Variants in ZNF552 observed in about 807,000 individuals in gnomAD.
ZNF552 encodes the protein zinc finger protein 552.
ZNF552 carries 2 observed loss-of-function variants against 7.2 expected under a neutral mutation model. The observed-to-expected ratio is 0.28, with a 90% CI of 0.11 to 0.88. The LOEUF (loss-of-function observed/expected upper bound fraction) is 0.88, where lower values mean the gene tolerates loss of function less well. ZNF552 is among the 40% of genes least tolerant of loss of function. The probability of loss-of-function intolerance (pLI) is 0.60; values close to 1 mark genes in which losing one functional copy is unlikely to be tolerated. For missense variants in ZNF552, 421 were observed against 493.4 expected, an observed-to-expected ratio of 0.85 and a Z score of 1.39; for synonymous variants, 173 against 176.5, an observed-to-expected ratio of 0.98 and a Z score of 0.16.
Position 57,808,212 on chromosome 19 carries a change from G to C in ZNF552, c.1052C>G (p.Pro351Arg). The C allele has an allele frequency of 6.2e-7, 1 of 1,614,044 alleles. No homozygotes were observed. The highest frequency in any genetic ancestry group is 2.2e-5 in the East Asian group (1 of 44,898). ...TTTCCCACATTCACTGCACTCATAAGGCTTCTGACCAGTGTGAACTCTCTT... is the reference window on the plus strand; with the variant it reads ...TTTCCCACATTCACTGCACTCATAACGCTTCTGACCAGTGTGAACTCTCTT... ...VHKRVHTGQK[P>R]YECSECGKSF... The change falls in exon 3 of 3, where the codon CCT (proline) becomes CGT (arginine). Residue 351 changes from proline (P) to arginine (R), a missense_variant. Pro to Arg is a moderately radical substitution (Grantham distance 103, BLOSUM62 -2). Coordinates refer to ENST00000391701, the MANE Select transcript of ZNF552 (RefSeq NM_024762.3).
intron 2 of ZNF552, among the ~76,000 whole-genome samples, chr19:57,811,538 C>T (rs1177608790): frequency 6.6e-6 from 1 of 151,876 alleles, no homozygotes; most frequent in African/African-American, 2.4e-5. Flanking sequence ...CGAGAAACAC[C>T]CACAGGTGTG....
chr19:57,811,026 C>T (rs1001970313), intron 2 of ZNF552, among the ~76,000 whole-genome samples: 2 of 152,192 alleles, frequency 1.3e-5, no homozygotes, highest in Non-Finnish European at 2.9e-5. Context: ...AACCTCTCCC[C>T]ACTATTACCC....
Position 57,808,392 on chromosome 19 carries a change from G to C in ZNF552, c.872C>G (p.Thr291Ser). The C allele has an allele frequency of 6.2e-7, 1 of 1,613,594 alleles. No individual in the cohort carries two copies. The highest frequency in any genetic ancestry group is 1.1e-5 in the South Asian group (1 of 91,014). Residue 291 changes from threonine to serine, a missense_variant, in exon 3 of 3, where the codon ACT (threonine) becomes AGT (serine). Physicochemically the swap from Thr to Ser is moderately conservative, Grantham distance 58 (BLOSUM62 1). Transcript: ENST00000391701. Reference sequence around the variant, plus strand: ...CTCACACTCATATGGCTTCTCTCCAGTGTGAATTCTCTGGTGTACAAGGAG... The same window carrying C: ...CTCACACTCATATGGCTTCTCTCCACTGTGAATTCTCTGGTGTACAAGGAG... ...SHLLVHQRIH[T>S]GEKPYECEVC...
rs1306089211 is a variant in ZNF552, at chr19:57,807,867, G to A, written c.*173C>T. 2.2e-6 allele frequency: 2 copies of A among 930,018 alleles called. No individual in the cohort carries two copies. The highest frequency in any genetic ancestry group is 3.1e-6 in the Non-Finnish European group (2 of 643,464). 57.6% of individuals were successfully genotyped at this position (930,018 alleles called of 1,614,324 possible). A position where few individuals can be genotyped will look rare whatever the true frequency, so the allele number is the denominator to read the frequency against. ...TAATCCTGAAGGAATACAGAGGTGT[G>A]GCTACAAAACTGCCCAAATTTATTT... On this transcript the variant is annotated 3_prime_UTR_variant, in exon 3 of 3. Transcript: ENST00000391701.
At chr19:57,811,981 A>G (rs1987866605) in intron 2 of ZNF552, among the ~76,000 whole-genome samples, 1 of 145,802 alleles carries the variant, frequency 6.9e-6, no homozygotes, top group Non-Finnish European at 1.5e-5. Context: ...GTGAGCCAAG[A>G]TCGCACCACT....
chr19:57,814,215 G>C (rs995819871), intron 1 of ZNF552, among the ~76,000 whole-genome samples: 3 of 152,038 alleles, frequency 2.0e-5, no homozygotes, highest in Non-Finnish European at 4.4e-5. Context: ...GCGTGTCTCA[G>C]CACAAAGTGT....
At position 57,808,573 on chromosome 19, in the gene ZNF552, C is replaced by G. The variant is rs1377769969; in HGVS notation, c.691G>C (p.Glu231Gln). 4 of 1,614,192 alleles carry G rather than the reference C, an allele frequency of 2.5e-6. No homozygotes were observed. Among genetic ancestry groups the G allele is most frequent in the Non-Finnish European group, 3.4e-6 (4 of 1,180,026 alleles). Reference sequence around the variant, plus strand: ...GGTTCTTCTGTAGGGAGCAGTCTCTCGTGCTGACTGAGTATATCTTTGGTG... The same window carrying G: ...GGTTCTTCTGTAGGGAGCAGTCTCTGGTGCTGACTGAGTATATCTTTGGTG... The part of the protein sequence containing the change: ...FSTKDILSQH[E>Q]RLLPTEEPSV... Residue 231 changes from glutamate (E) to glutamine (Q), a missense_variant, in exon 3 of 3, where the codon GAG (glutamate) becomes CAG (glutamine). By Grantham distance (29) the Glu-to-Gln change is conservative (BLOSUM62 2). Transcript: ENST00000391701.
At chr19:57,810,210 C>G (rs1181496328) in intron 2 of ZNF552, among the ~76,000 whole-genome samples, 1 of 152,018 alleles carries the variant, frequency 6.6e-6, no homozygotes, top group African/African-American at 2.4e-5. Flanking sequence ...TGGGTCATGC[C>G]TGTAATCCCA....
intron 2 of ZNF552, 64 bp downstream of exon 2, chr19:57,813,230 A>G (rs368558112): frequency 3.1e-6 from 5 of 1,602,234 alleles, no homozygotes; most frequent in Non-Finnish European, 3.4e-6. Flanking sequence ...AGTCTTGCCA[A>G]TAGAAAAAGA....
chr19:57,814,666 T>A lies in ZNF552; in HGVS notation c.33+45A>T, dbSNP rs765294823. The A allele has an allele frequency of 4.3e-6, 7 of 1,613,970 alleles. No individual in the cohort carries two copies. The South Asian group carries it at 7.7e-5, about 18-fold the overall frequency. On this transcript the variant is annotated intron_variant, in intron 1 of 2. Coordinates refer to ENST00000391701, the MANE Select transcript of ZNF552 (RefSeq NM_024762.3). Reference sequence around the variant, plus strand: ...CGCTCCCTCGCTGCTTTAGGACTTGTGTGACTAGGAGGTGACCGGAGAGCA... The same window carrying A: ...CGCTCCCTCGCTGCTTTAGGACTTGAGTGACTAGGAGGTGACCGGAGAGCA...
In ZNF552 at chr19:57,809,174, A is replaced by T. The variant is rs770862244; in HGVS notation, c.161-71T>A. On this transcript the variant is annotated intron_variant, in intron 2 of 2. Coordinates refer to ENST00000391701, the MANE Select transcript of ZNF552 (RefSeq NM_024762.3). ...GAAGGCACAGACCACCCACAAGTGT[A>T]TCTGAAAAACTGAGGAATTACTCCA... 2.3e-5 allele frequency: 37 copies of T among 1,603,510 alleles called. 1 individual carries two copies. In the South Asian group the frequency reaches 4.1e-4, roughly 18 times the overall value.
chr19:57,807,986 G>A lies in ZNF552; in HGVS notation c.*54C>T. On this transcript the variant is annotated 3_prime_UTR_variant, in exon 3 of 3. Transcript: ENST00000391701. ...TTTTCCACATTTGCTGCAATCACAG[G>A]ATCTTACTCAGGTGTGTATTCTCCA... 3 of 1,520,048 alleles carry A rather than the reference G, an allele frequency of 2.0e-6. No individual in the cohort carries two copies. In the South Asian group the frequency reaches 4.0e-5, roughly 20 times the overall value. The allele number at this position is 1,520,048 out of a possible 1,614,324, so 94.2% of individuals were successfully genotyped here. A position where few individuals can be genotyped will look rare whatever the true frequency, so the allele number is the denominator to read the frequency against.
In ZNF552 at chr19:57,808,847, A is replaced by T. The variant is rs372934566; in HGVS notation, c.417T>A (p.Asn139Lys). ...YDSGNFHQHQNEHIGEKPYRG... is the reference protein window; with the variant it reads ...YDSGNFHQHQKEHIGEKPYRG... ...TGTAGGGTTTCTCTCCAATGTGCTC[A>T]TTCTGGTGCTGATGAAAGTTTCCAC... Residue 139 changes from asparagine (N) to lysine (K), a missense_variant, in exon 3 of 3, where the codon AAT (asparagine) becomes AAA (lysine). Physicochemically the swap from Asn to Lys is moderately conservative, Grantham distance 94. Transcript: ENST00000391701. 24 of 1,613,770 alleles carry T rather than the reference A, an allele frequency of 1.5e-5. No homozygotes were observed. Among genetic ancestry groups the T allele is most frequent in the Admixed American group, 1.0e-4 (6 of 59,956 alleles).
At chr19:57,811,210 T>TCGC (rs1987849751) in intron 2 of ZNF552, among the ~76,000 whole-genome samples, 1 of 152,064 alleles carries the variant, frequency 6.6e-6, no homozygotes, top group Non-Finnish European at 1.5e-5. Context: ...TCTCGCTCTG[T>TCGC]TGCTCAGGCT....
chr19:57,809,180 A>G (rs193102938), intron 2 of ZNF552, 77 bp from the exon 3 acceptor site: 376 of 1,605,424 alleles, frequency 2.3e-4, no homozygotes, highest in Admixed American at 3.4e-4. Flanking sequence ...GTGTATCTGA[A>G]AAACTGAGGA....
intron 2 of ZNF552, among the ~76,000 whole-genome samples, chr19:57,811,725 A>AG (rs1489027131): frequency 2.7e-5 from 4 of 149,640 alleles, no homozygotes; most frequent in Non-Finnish European, 5.9e-5. Flanking sequence ...CAAAAAAAAA[A>AG]AAAAAAAAAA....
At chr19:57,811,166 T>TTA (rs1193758173) in intron 2 of ZNF552, among the ~76,000 whole-genome samples, 1 of 146,810 alleles carries the variant, frequency 6.8e-6, no homozygotes, top group East Asian at 2.1e-4. Context: ...CTTTTCTTTT[T>TTA]TTTTTTTATT....
chr19:57,814,289 T>C (rs1287391872), intron 1 of ZNF552: 1 of 597,564 alleles, frequency 1.7e-6, no homozygotes, highest in Non-Finnish European at 3.0e-6. Context: ...TCATCCCCTC[T>C]CTACTCTGTT....
intron 2 of ZNF552, 55 bp downstream of exon 2, chr19:57,813,239 G>A (rs1987890499): frequency 1.2e-6 from 2 of 1,604,316 alleles, no homozygotes; most frequent in African/African-American, 1.3e-5. Flanking sequence ...AATAGAAAAA[G>A]AGGGGGAAAG....
Sources: gnomAD v4.1 joint callset for allele counts (sites outside exome capture counted in the v4.1 genomes callset) on GRCh38, gnomAD v4.1.1 for gene constraint, MANE v1.5 for transcripts, NCBI Gene and HGNC (gene_info 2026-07-23, HGNC 2026-07-21) for gene names.